Variants in CCDC30 observed in about 807,000 individuals in gnomAD.
CCDC30 encodes coiled-coil domain-containing protein 30.
CCDC30 carries 70 observed loss-of-function variants against 100.2 expected under a neutral mutation model. The ratio of observed to expected loss-of-function variants is 0.70; its 90% CI spans 0.58 to 0.85. The LOEUF (loss-of-function observed/expected upper bound fraction) is 0.85. CCDC30 is among the 40% of genes least tolerant of loss of function. CCDC30 has a pLI of 0.00. For missense variants in CCDC30, 652 were observed against 771.2 expected (o/e 0.85, Z 1.83); for synonymous variants, 233 against 269.5 (o/e 0.86, Z 1.33).
chr1:42,591,008 C>T (rs560170572), intron 10 of CCDC30: 1 of 152,474 alleles, frequency 6.6e-6, no homozygotes, highest in South Asian at 2.1e-4. Flanking sequence ...AGCAGCAAAG[C>T]ATTCAAGATG....
At chr1:42,545,434 G>A (rs2148534424) in intron 6 of CCDC30, 1 of 1,579,726 alleles carries the variant, frequency 6.3e-7, no homozygotes, top group East Asian at 2.3e-5. Context: ...ACAAGAATTT[G>A]CACAATTAAA....
chr1:42,634,249 C>CAAAAA (rs754829759), intron 11 of CCDC30, among the ~76,000 whole-genome samples: 468 of 114,496 alleles, frequency 4.1e-3, no homozygotes, highest in Non-Finnish European at 5.5e-3. Flanking sequence ...AAGACTGTCT[C>CAAAAA]AAAAAAAAAA....
intron 6 of CCDC30, among the ~76,000 whole-genome samples, chr1:42,535,709 T>TAA (rs1553190480): frequency 5.8e-5 from 5 of 85,996 alleles, no homozygotes; most frequent in African/African-American, 2.3e-4. Context: ...TATATATATA[T>TAA]TATATATATA....
intron 6 of CCDC30, among the ~76,000 whole-genome samples, chr1:42,523,158 T>A (rs929487081): frequency 2.0e-5 from 3 of 152,180 alleles, no homozygotes. Flanking sequence ...AGCCGGTGTA[T>A]TTACTTTTAC....
In CCDC30 at chr1:42,575,680, A is replaced by ATAG. The variant is rs944704409; in HGVS notation, c.637-1338_637-1336dup. ...AAAAGAAGCAAACAAACAAAAAAAC[A>ATAG]TAGTCTCTGCTTTCTTGGAATTTAA... On this transcript the variant is annotated intron_variant, in intron 7 of 16. Transcript: ENST00000668663. Among the ~76,000 whole-genome samples the ATAG allele has an allele frequency of 1.7e-3, 254 of 150,482 alleles. 2 individuals are homozygous for ATAG. The highest frequency in any genetic ancestry group is 5.9e-3 in the African/African-American group (244 of 41,144).
chr1:42,543,762 C>A (rs1645064772), intron 6 of CCDC30, among the ~76,000 whole-genome samples: 1 of 152,172 alleles, frequency 6.6e-6, no homozygotes, highest in African/African-American at 2.4e-5. Context: ...ACCTTCTCCC[C>A]TAGAAAGGTT....
intron 10 of CCDC30, among the ~76,000 whole-genome samples, chr1:42,600,923 GT>G (rs1557436676): frequency 6.6e-6 from 1 of 151,188 alleles, no homozygotes; most frequent in Non-Finnish European, 1.5e-5. Flanking sequence ...ACCTTCCGCC[GT>G]GATTGTAAGT....
At chr1:42,501,292 A>G (rs1304586188) in intron 6 of CCDC30, among the ~76,000 whole-genome samples, 1 of 152,182 alleles carries the variant, frequency 6.6e-6, no homozygotes, top group Non-Finnish European at 1.5e-5. Context: ...TTATTTCCTT[A>G]TGGATTAAGG....
chr1:42,631,434 G>A (rs1235730330), intron 11 of CCDC30, among the ~76,000 whole-genome samples: 2 of 152,198 alleles, frequency 1.3e-5, no homozygotes, highest in African/African-American at 2.4e-5. Context: ...CCTGAAGCCA[G>A]CACAGCACTG....
At chr1:42,528,952 T>C (rs1229083834) in intron 6 of CCDC30, among the ~76,000 whole-genome samples, 1 of 152,222 alleles carries the variant, frequency 6.6e-6, no homozygotes, top group Non-Finnish European at 1.5e-5. Context: ...ACCAGAATAG[T>C]GTATGTGTGT....
At chr1:42,601,134 A>G (rs1228042950) in intron 10 of CCDC30, among the ~76,000 whole-genome samples, 1 of 152,238 alleles carries the variant, frequency 6.6e-6, no homozygotes, top group Non-Finnish European at 1.5e-5. Flanking sequence ...TTGGAGATTA[A>G]ACAACAGACT....
At chr1:42,511,987 T>C (rs191091387) in intron 6 of CCDC30, among the ~76,000 whole-genome samples, 19 of 152,318 alleles carry the variant, frequency 1.2e-4, no homozygotes, top group Non-Finnish European at 1.5e-5. Flanking sequence ...ACATATTTAT[T>C]GACAGTAAGC....
chr1:42,626,267 T>C (rs1281309691), intron 11 of CCDC30, among the ~76,000 whole-genome samples: 1 of 152,164 alleles, frequency 6.6e-6, no homozygotes, highest in Non-Finnish European at 1.5e-5. Context: ...ATGTCCTTTT[T>C]GTAGGAAATA....
intron 1 of CCDC30, 98 bp downstream of exon 1, chr1:42,463,996 A>G (rs1166383251): frequency 4.6e-5 from 7 of 152,108 alleles, no homozygotes; most frequent in African/African-American, 1.7e-4. Context: ...AGCCATTTTA[A>G]CTTTTCCCTG....
At chr1:42,486,182 A>G (rs1644047677) in intron 3 of CCDC30, among the ~76,000 whole-genome samples, 1 of 152,244 alleles carries the variant, frequency 6.6e-6, no homozygotes, top group East Asian at 1.9e-4. Context: ...AATGTTCATA[A>G]CAATATTAGT....
chr1:42,500,420 T>TC (rs1346153831), intron 6 of CCDC30: 3 of 290,538 alleles, frequency 1.0e-5, no homozygotes, highest in East Asian at 1.6e-4. Flanking sequence ...GAGTTCTCTC[T>TC]TTTTTTTTTT....
At chr1:42,502,334 GT>G (rs1644328935) in intron 6 of CCDC30, among the ~76,000 whole-genome samples, 1 of 152,188 alleles carries the variant, frequency 6.6e-6, no homozygotes, top group Non-Finnish European at 1.5e-5. Context: ...GAAAAGCACA[GT>G]ATTAGGGTGG....
chr1:42,468,190 G>A (rs2148435666), intron 1 of CCDC30, among the ~76,000 whole-genome samples: 1 of 152,168 alleles, frequency 6.6e-6, no homozygotes, highest in East Asian at 1.9e-4. Flanking sequence ...CGTTGAAAAA[G>A]AAAGAAATGT....
intron 7 of CCDC30, among the ~76,000 whole-genome samples, chr1:42,575,574 C>T (rs889007973): frequency 2.9e-5 from 4 of 140,206 alleles, no homozygotes; most frequent in Admixed American, 7.8e-5. Context: ...GGCGTGAACC[C>T]GGGAGGCAGA....
Sources: allele counts gnomAD v4.1 joint callset (sites outside exome capture counted in the v4.1 genomes callset), GRCh38; gene constraint gnomAD v4.1.1; transcripts MANE v1.5; gene names NCBI Gene and HGNC (gene_info 2026-07-23, HGNC 2026-07-21).